DGKZ: variants seen among roughly 807,000 people sequenced by gnomAD.
DGKZ encodes diacylglycerol kinase zeta.
Under a neutral mutation model 142.5 loss-of-function variants are expected in DGKZ, and 45 were observed. The observed-to-expected ratio is 0.32, with a 90% CI of 0.25 to 0.40. The LOEUF (loss-of-function observed/expected upper bound fraction) is 0.40. Ranked by LOEUF, DGKZ falls within the 10% of genes least tolerant of loss-of-function variation. The probability of loss-of-function intolerance (pLI) is 1.00; values close to 1 mark genes in which losing one functional copy is unlikely to be tolerated. For synonymous variants in DGKZ, 442 were observed against 527.0 expected (o/e 0.84, Z 2.21); for missense variants, 755 against 1,306.5 (o/e 0.58, Z 6.51).
intron 1 of DGKZ, chr11:46,366,690 C>T: frequency 1.9e-6 from 3 of 1,569,824 alleles, no homozygotes; most frequent in Non-Finnish European, 1.7e-6. Flanking sequence ...GGGCCACCCC[C>T]ACCTCGGGGC....
At chr11:46,343,387 T>C (rs1161826173), upstream of DGKZ, among the ~76,000 whole-genome samples, 1 of 151,436 alleles carries the variant, frequency 6.6e-6, no homozygotes, top group Non-Finnish European at 1.5e-5. Flanking sequence ...CAGATGGAGG[T>C]TTTTAAGGGT....
chr11:46,364,594 C>G (rs1191406889), intron 1 of DGKZ: 1 of 985,322 alleles, frequency 1.0e-6, no homozygotes, highest in Non-Finnish European at 1.2e-6. Flanking sequence ...ACTCTGCTTC[C>G]CTAGGCACCT....
At chr11:46,343,625 A>C (rs1020329861), upstream of DGKZ, among the ~76,000 whole-genome samples, 1 of 152,186 alleles carries the variant, frequency 6.6e-6, no homozygotes, top group Non-Finnish European at 1.5e-5. Flanking sequence ...AAATCCTCAC[A>C]ATGGCCTTGA....
chr11:46,363,665 C>T (rs2136449269), intron 1 of DGKZ, among the ~76,000 whole-genome samples: 1 of 152,342 alleles, frequency 6.6e-6, no homozygotes, highest in East Asian at 1.9e-4. Context: ...GCGGCACCTC[C>T]CCCCACTGAC....
intron 1 of DGKZ, among the ~76,000 whole-genome samples, chr11:46,348,175 C>T (rs974960874): frequency 1.3e-5 from 2 of 152,158 alleles, no homozygotes; most frequent in Non-Finnish European, 2.9e-5. Flanking sequence ...GTTGGGCCCC[C>T]AGGACTGGTC....
chr11:46,366,399 A>G, intron 1 of DGKZ: 1 of 1,525,456 alleles, frequency 6.6e-7, no homozygotes. Flanking sequence ...TCACTGGCAC[A>G]GCGGCGCCGC....
intron 1 of DGKZ, among the ~76,000 whole-genome samples, chr11:46,341,825 G>C (rs974881320): frequency 6.6e-6 from 1 of 152,186 alleles, no homozygotes; most frequent in South Asian, 2.1e-4. Flanking sequence ...GGGGGAGGAG[G>C]GGAGGTTCAT....
rs114499657 is a variant in DGKZ, at chr11:46,334,336, T to C, written c.212+849T>C. ...CTCAAGCCCTTGGCCCAGAGTGACC[T>C]CCCCTGGAGAGTCTAGCAGGGCCAC... On this transcript the variant is annotated intron_variant, in intron 1 of 30. Transcript: ENST00000343674. Among the ~76,000 whole-genome samples the C allele has an allele frequency of 7.7e-3, 1,170 of 152,300 alleles. 7 individuals carry two copies. Among genetic ancestry groups the C allele is most frequent in the African/African-American group, 0.027 (1,133 of 41,558 alleles).
chr11:46,361,747 T>A (rs1942676435), intron 1 of DGKZ: 4 of 771,006 alleles, frequency 5.2e-6, no homozygotes, highest in Admixed American at 6.3e-5. Flanking sequence ...TTCTGCTTCC[T>A]CCCTCTGTAT....
chr11:46,351,541 C>T (rs185773646), intron 1 of DGKZ, among the ~76,000 whole-genome samples: 55 of 152,162 alleles, frequency 3.6e-4, no homozygotes, highest in African/African-American at 1.2e-3. Flanking sequence ...TAGGGAGGGA[C>T]GTGTTGAGGG....
At chr11:46,368,149 A>G (rs1943535471) in intron 4 of DGKZ, 70 bp downstream of exon 4, 3 of 1,518,102 alleles carry the variant, frequency 2.0e-6, no homozygotes, top group Admixed American at 1.7e-5. Context: ...GCGCACTCAC[A>G]CCCACATGTT....
rs1407680737 is a variant in DGKZ, at chr11:46,375,614, C to T, written c.1893C>T (p.Ala631=). ...TGCAGAAGGCCAAGCGGCGGAGCGC[C>T]GCCCCCCTGCACAGCGAGTACGTCC... The change falls in exon 20 of 31, where the codon GCC becomes GCT. Residue 631 remains alanine (A), a synonymous_variant. Transcript: ENST00000527911. 20 of 1,573,904 alleles carry T rather than the reference C, an allele frequency of 1.3e-5. No homozygotes were observed. In the African/African-American group the frequency reaches 1.5e-4, roughly 12 times the overall value.
At chr11:46,345,293 C>T (rs1940501885), upstream of DGKZ, 25 of 1,362,422 alleles carry the variant, frequency 1.8e-5, no homozygotes, top group Non-Finnish European at 2.0e-5. This position sits in a 1 kb window ranked among gnomAD's most constrained non-coding sequence, Gnocchi z 4.1. Context: ...CGGAAGGCGC[C>T]TATGAGCCCT....
intron 14 of DGKZ, 111 bp downstream of exon 14, chr11:46,373,212 C>CCA: frequency 8.1e-7 from 1 of 1,235,416 alleles, no homozygotes; most frequent in Non-Finnish European, 1.1e-6. Flanking sequence ...TCTCCAACTT[C>CCA]CACTTCTTCC....
At position 46,375,188 on chromosome 11, in the gene DGKZ, C is replaced by G. The variant is rs578213865; in HGVS notation, c.1710+143C>G. The G allele has an allele frequency of 1.4e-5, 12 of 870,214 alleles. No individual in the cohort carries two copies. In the African/African-American group the frequency reaches 1.5e-4, roughly 11 times the overall value. The allele number at this position is 870,214 out of a possible 1,614,324, so 53.9% of individuals were successfully genotyped here. A position where few individuals can be genotyped will look rare whatever the true frequency, so the allele number is the denominator to read the frequency against. On this transcript the variant is annotated intron_variant, in intron 19 of 30. Transcript: ENST00000527911. ...TCATTCCTCTGGCTTGAGAGCGGCA[C>G]CTACCCCCTCTCCTCACTATGCCTC...
intron 1 of DGKZ, among the ~76,000 whole-genome samples, chr11:46,360,264 C>T (rs1202195271): frequency 6.6e-6 from 1 of 152,028 alleles, no homozygotes; most frequent in African/African-American, 2.4e-5. Context: ...ACGTAATGGG[C>T]TTATTGTTTT....
intron 19 of DGKZ, 128 bp downstream of exon 19, chr11:46,375,173 G>A (rs1202583887): frequency 5.1e-6 from 5 of 982,952 alleles, no homozygotes; most frequent in Non-Finnish European, 7.3e-6. Flanking sequence ...TCATTCCTCT[G>A]GCTTGAGAGC....
At chr11:46,373,974 G>T (rs531638120) in intron 14 of DGKZ, among the ~76,000 whole-genome samples, 183 bp from the exon 15 acceptor site, 1 of 152,264 alleles carries the variant, frequency 6.6e-6, no homozygotes, top group Non-Finnish European at 1.5e-5. Context: ...AATCCCCCAG[G>T]AGCCACCAGG....
At position 46,367,175 on chromosome 11, in the gene DGKZ, G is replaced by A. The variant is rs1363117191; in HGVS notation, c.162-116G>A. The A allele has an allele frequency of 8.7e-6, 11 of 1,265,174 alleles. No individual in the cohort carries two copies. In the East Asian group the frequency reaches 1.5e-4, roughly 17 times the overall value. The allele number at this position is 1,265,174 out of a possible 1,614,324, so 78.4% of individuals were successfully genotyped here. A position where few individuals can be genotyped will look rare whatever the true frequency, so the allele number is the denominator to read the frequency against. ...CTCTTAGTGTCTGGGGCTGCTGGGA[G>A]GCTCCTCCGCCCTCCCTGTTGCCGA... On this transcript the variant is annotated intron_variant, in intron 1 of 30. Coordinates refer to ENST00000527911, the Ensembl canonical transcript of DGKZ. This position sits in a 1 kb window ranked among gnomAD's most constrained non-coding sequence, Gnocchi z 4.1.
Sources: gnomAD v4.1 joint callset for allele counts (sites outside exome capture counted in the v4.1 genomes callset) on GRCh38, gnomAD v4.1.1 for gene constraint, Gnocchi (gnomAD v3.1) non-coding constraint, MANE v1.5 for transcripts, NCBI Gene and HGNC (gene_info 2026-07-23, HGNC 2026-07-21) for gene names.